Variants in RFX4 observed in about 807,000 individuals in gnomAD.
RFX4 encodes the protein transcription factor RFX4.
Under a neutral mutation model 95.0 loss-of-function variants are expected in RFX4, and 10 were observed. The observed-to-expected ratio is 0.11, with a 90% CI of 0.06 to 0.18. RFX4 has a LOEUF of 0.18. Ranked by LOEUF, RFX4 falls within the 10% of genes least tolerant of loss-of-function variation. The pLI is 1.00. For synonymous variants in RFX4, 321 were observed against 340.7 expected, an observed-to-expected ratio of 0.94 and a Z score of 0.64; for missense variants, 640 against 922.0, an observed-to-expected ratio of 0.69 and a Z score of 3.96.
chr12:106,611,684 T>C (rs2039964506), intron 2 of RFX4, among the ~76,000 whole-genome samples: 1 of 152,128 alleles, frequency 6.6e-6, no homozygotes, highest in African/African-American at 2.4e-5. Flanking sequence ...CTAATTTTTG[T>C]ATTTTTTTAG....
Position 106,609,662 on chromosome 12 carries a change from A to G in RFX4, c.130+779A>G, listed in dbSNP as rs2039915270. On this transcript the variant is annotated intron_variant, in intron 2 of 17. Transcript: ENST00000392842. Reference sequence around the variant, plus strand: ...TCTTAGCTGGCATTGTCATTCTATCATCACCATGTCACTTCATTTTATAAA... The same window carrying G: ...TCTTAGCTGGCATTGTCATTCTATCGTCACCATGTCACTTCATTTTATAAA... 2.0e-5 allele frequency among the ~76,000 whole-genome samples: 3 copies of G among 152,190 alleles called. No homozygotes were observed. The South Asian group carries it at 6.2e-4, about 32-fold the overall frequency.
At position 106,732,731 on chromosome 12, in the gene RFX4, A is replaced by G. The variant is rs550791784; in HGVS notation, c.1472-193A>G. Among the ~76,000 whole-genome samples, 5 of 152,138 alleles carry G rather than the reference A, an allele frequency of 3.3e-5. No homozygotes were observed. In the South Asian group the frequency reaches 1.0e-3, roughly 32 times the overall value. ...AGTAAATAAATAAATAAATAAATAA[A>G]CAAATTAAATAAAGTGGGCATATTT... On this transcript the variant is annotated intron_variant, in intron 14 of 17. Coordinates refer to ENST00000392842, the MANE Select transcript of RFX4 (RefSeq NM_213594.3).
At chr12:106,613,935 C>T (rs141590432) in intron 2 of RFX4, among the ~76,000 whole-genome samples, 29 of 152,166 alleles carry the variant, frequency 1.9e-4, no homozygotes, top group African/African-American at 4.8e-4. Flanking sequence ...TAGATACTGC[C>T]GAAACAGTTT....
chr12:106,602,884 C>T (rs1276761670), intron 1 of RFX4, among the ~76,000 whole-genome samples: 3 of 151,994 alleles, frequency 2.0e-5, no homozygotes, highest in African/African-American at 7.3e-5. Flanking sequence ...AGGTACTGAA[C>T]AAGATAGACA....
rs758746104 is a variant in RFX4 at position 106,750,660 on chromosome 12, C to T, written c.1802C>T (p.Thr601Met). ...VYPHREEHGY[T>M]GSYNYGSYGN... ...ATGTGCTTGATGCATTTTAGATACA[C>T]GGGAAGCTATAACTATGGGAGCTAT... Residue 601 changes from threonine to methionine, a missense_variant, in exon 17 of 18, where the codon ACG (threonine) becomes ATG (methionine). Coordinates refer to ENST00000392842, the MANE Select transcript of RFX4 (RefSeq NM_213594.3). 19 of 1,602,844 alleles carry T rather than the reference C, an allele frequency of 1.2e-5. No individual in the cohort carries two copies. Among genetic ancestry groups the T allele is most frequent in the African/African-American group, 1.3e-5 (1 of 74,262 alleles).
chr12:106,742,213 G>A (rs138804681), intron 15 of RFX4, among the ~76,000 whole-genome samples: 46 of 152,256 alleles, frequency 3.0e-4, no homozygotes, highest in African/African-American at 1.1e-3. Flanking sequence ...TTGAAACAGG[G>A]TCTCACTCTG....
Position 106,689,381 on chromosome 12 carries a change from T to C in RFX4, c.669+17T>C, listed in dbSNP as rs1471804260. ...TTTGATGAGGTAGGTCAACAAGGGT[T>C]GAGCTGTGAATACTCGGTATTAAAA... is the stretch of plus-strand genomic sequence containing the variant. On this transcript the variant is annotated intron_variant, in intron 7 of 17. Coordinates refer to ENST00000392842, the MANE Select transcript of RFX4 (RefSeq NM_213594.3). 6.3e-7 allele frequency: 1 copy of C among 1,589,442 alleles called. No individual in the cohort carries two copies. Among genetic ancestry groups the C allele is most frequent in the Non-Finnish European group, 8.6e-7 (1 of 1,157,592 alleles).
chr12:106,757,547 C>CAAAA (rs559762867), intron 17 of RFX4, among the ~76,000 whole-genome samples: 2 of 56,584 alleles, frequency 3.5e-5, no homozygotes, highest in Admixed American at 1.8e-4. Context: ...GACCCTGTCT[C>CAAAA]AAAAAAAAAA....
chr12:106,669,707 GA>G (rs150682284), intron 4 of RFX4, among the ~76,000 whole-genome samples: 5 of 149,808 alleles, frequency 3.3e-5, no homozygotes, highest in Admixed American at 1.3e-4. Context: ...GTTCTCAAAG[GA>G]AAAAAAAATA....
chr12:106,652,810 G>A (rs537246903), intron 3 of RFX4, among the ~76,000 whole-genome samples: 3 of 152,294 alleles, frequency 2.0e-5, no homozygotes, highest in South Asian at 2.1e-4. Flanking sequence ...GGGGGGCCGT[G>A]TCCTCATTCC....
Position 106,732,918 on chromosome 12 carries a change from C to A in RFX4, c.1472-6C>A. The A allele has an allele frequency of 6.2e-7, 1 of 1,612,988 alleles. No individual in the cohort carries two copies. The highest frequency in any genetic ancestry group is 8.5e-7 in the Non-Finnish European group (1 of 1,179,158). Reference sequence around the variant, plus strand: ...TTTTAAAAACTTACCCTATCTCTATCCACAGCAGAAGTCCGAGAAGAGATC... The same window carrying A: ...TTTTAAAAACTTACCCTATCTCTATACACAGCAGAAGTCCGAGAAGAGATC... On this transcript the variant is annotated splice_region_variant and splice_polypyrimidine_tract_variant and intron_variant, in intron 14 of 17. Transcript: ENST00000392842.
rs576770338 is a variant in RFX4 at position 106,583,097 on chromosome 12, C to T, written c.-224C>T. On this transcript the variant is annotated 5_prime_UTR_variant, in exon 1 of 18. Coordinates refer to ENST00000392842, the MANE Select transcript of RFX4 (RefSeq NM_213594.3). ...TCTCTCTCCCCCTTCTCCGAGCTCGCTCCCTTCTCTCCCTCTCTCTCCTCT... is the reference window on the plus strand; with the variant it reads ...TCTCTCTCCCCCTTCTCCGAGCTCGTTCCCTTCTCTCCCTCTCTCTCCTCT... The T allele has an allele frequency of 2.3e-6, 1 of 435,394 alleles. No individual in the cohort carries two copies. Among genetic ancestry groups the T allele is most frequent in the South Asian group, 6.3e-5 (1 of 15,858 alleles). 27.0% of individuals were successfully genotyped at this position (435,394 alleles called of 1,614,324 possible).
intron 17 of RFX4, among the ~76,000 whole-genome samples, chr12:106,755,030 A>T (rs1593021953): frequency 6.6e-6 from 1 of 152,350 alleles, no homozygotes. Flanking sequence ...TTTCATTAAC[A>T]TTTATTCAGA....
intron 4 of RFX4, among the ~76,000 whole-genome samples, chr12:106,666,414 G>A (rs866196961): frequency 3.9e-5 from 6 of 151,900 alleles, no homozygotes; most frequent in Admixed American, 1.3e-4. Context: ...ATCCTGCTTG[G>A]TGTTCTCTTA....
intron 4 of RFX4, among the ~76,000 whole-genome samples, chr12:106,656,479 T>C (rs1421705085): frequency 1.3e-5 from 2 of 152,180 alleles, no homozygotes; most frequent in East Asian, 1.9e-4. Context: ...GTGATCCTAG[T>C]AGAGTGAGAT....
At chr12:106,714,281 T>G (rs2064472103) in intron 10 of RFX4, among the ~76,000 whole-genome samples, 1 of 152,112 alleles carries the variant, frequency 6.6e-6, no homozygotes, top group Admixed American at 6.5e-5. Flanking sequence ...CCAAGTCAGC[T>G]GCTCAGCAAC....
intron 1 of RFX4, among the ~76,000 whole-genome samples, chr12:106,590,172 G>A (rs1037225152): frequency 2.6e-5 from 4 of 152,368 alleles, no homozygotes; most frequent in East Asian, 1.9e-4. Context: ...GCTGTGCCAC[G>A]TAAAGCTGTG....
chr12:106,656,075 G>C (rs1205901254), intron 4 of RFX4, among the ~76,000 whole-genome samples: 1 of 152,070 alleles, frequency 6.6e-6, no homozygotes, highest in Non-Finnish European at 1.5e-5. Context: ...TCCTGATCTA[G>C]GTAAAATCAG....
chr12:106,726,269 G>A (rs2042495339), intron 13 of RFX4, among the ~76,000 whole-genome samples: 1 of 150,024 alleles, frequency 6.7e-6, no homozygotes. Context: ...AAGAAAAAAA[G>A]GAAAAAAAAA....
Sources: gnomAD v4.1 joint callset for allele counts (sites outside exome capture counted in the v4.1 genomes callset) on GRCh38, gnomAD v4.1.1 for gene constraint, MANE v1.5 for transcripts, NCBI Gene and HGNC (gene_info 2026-07-23, HGNC 2026-07-21) for gene names.